PRRG1: variants seen among roughly 807,000 people sequenced by gnomAD.
PRRG1 encodes proline rich and Gla domain 1.
PRRG1 carries 5 observed loss-of-function variants against 11.8 expected under a neutral mutation model. The ratio of observed to expected loss-of-function variants is 0.42; its 90% CI spans 0.22 to 0.89. The LOEUF (loss-of-function observed/expected upper bound fraction) is 0.89. Among genes scored for constraint, PRRG1 ranks in the 40% least tolerant of loss-of-function variants. The probability of loss-of-function intolerance (pLI) is 0.28; values close to 1 mark genes in which losing one functional copy is unlikely to be tolerated. For synonymous variants in PRRG1, 66 were observed against 60.4 expected (o/e 1.09, Z -0.43); for missense variants, 155 against 166.1 (o/e 0.93, Z 0.37).
At chrX:37,367,584 A>AT (rs1182800140) in intron 1 of PRRG1, among the ~76,000 whole-genome samples, 2,032 of 106,061 alleles carry the variant, frequency 0.019, 46 homozygotes, top group African/African-American at 0.059. Context: ...TAAATGGTGG[A>AT]TTTTTTTTTT....
At chrX:37,393,885 C>G (rs1244601469) in intron 1 of PRRG1, among the ~76,000 whole-genome samples, 2 of 110,961 alleles carry the variant, frequency 1.8e-5, no homozygotes, top group African/African-American at 3.3e-5. Flanking sequence ...GTCAGAAACC[C>G]TAGGTTAAAA....
At chrX:37,441,234 C>T in intron 3 of PRRG1, 8 of 777,864 alleles carry the variant, frequency 1.0e-5, no homozygotes, top group Non-Finnish European at 1.2e-5. Flanking sequence ...GAAGCTATTA[C>T]AGAGGGGACC....
chrX:37,388,436 T>C (rs996171109), intron 1 of PRRG1, among the ~76,000 whole-genome samples: 2 of 113,060 alleles, frequency 1.8e-5, no homozygotes, highest in Non-Finnish European at 3.7e-5. Flanking sequence ...CCATACATCC[T>C]CTGAAATCTA....
At chrX:37,413,643 C>T (rs782208408) in intron 2 of PRRG1, among the ~76,000 whole-genome samples, 20 of 111,500 alleles carry the variant, frequency 1.8e-4, no homozygotes, top group Admixed American at 2.9e-4. Context: ...CATGTCCTTG[C>T]CAGCATTTGA....
intron 3 of PRRG1, among the ~76,000 whole-genome samples, chrX:37,439,856 A>G (rs1371800673): frequency 3.0e-5 from 3 of 100,587 alleles, no homozygotes; most frequent in South Asian, 9.5e-4. Context: ...CTGGAGTGCA[A>G]TGGTGCAATG....
chrX:37,365,627 G>T (rs1328656965), intron 1 of PRRG1, among the ~76,000 whole-genome samples: 1 of 112,184 alleles, frequency 8.9e-6, no homozygotes, highest in African/African-American at 3.2e-5. Flanking sequence ...TCTCCAGCCA[G>T]CCAGGGTTAA....
intron 2 of PRRG1, among the ~76,000 whole-genome samples, chrX:37,416,309 TAC>T (rs1932495838): frequency 8.9e-6 from 1 of 112,289 alleles, no homozygotes; most frequent in Non-Finnish European, 1.9e-5. Flanking sequence ...ATACCTATCC[TAC>T]AGTCTATGCT....
rs145533054 is a variant in PRRG1 at position 37,397,437 on chromosome X, C to A, written c.-41-8772C>A. Among the ~76,000 whole-genome samples, 19 of 112,124 alleles carry A rather than the reference C, an allele frequency of 1.7e-4. 1 individual carries two copies. In the East Asian group the frequency reaches 5.3e-3, roughly 31 times the overall value. On this transcript the variant is annotated intron_variant, in intron 1 of 3. Coordinates refer to ENST00000378628, the MANE Select transcript of PRRG1 (RefSeq NM_001142395.2). ...TCTGGTTTGTGTAGGCCACTAGAAT[C>A]CTCTTTGGGAATGATCTACTGCCTT...
intron 1 of PRRG1, among the ~76,000 whole-genome samples, chrX:37,401,260 G>C (rs1299065624): frequency 5.4e-5 from 6 of 111,013 alleles, no homozygotes; most frequent in African/African-American, 2.0e-4. Flanking sequence ...ACCAAATCCA[G>C]CAGCACATCA....
chrX:37,373,127 A>G (rs1352322027), intron 1 of PRRG1, among the ~76,000 whole-genome samples: 1 of 111,912 alleles, frequency 8.9e-6, no homozygotes, highest in Non-Finnish European at 1.9e-5. Flanking sequence ...GTCTGTGTCT[A>G]GGCTCTCTAT....
At chrX:37,443,786 T>C (rs996041168) in intron 3 of PRRG1, among the ~76,000 whole-genome samples, 9 of 112,158 alleles carry the variant, frequency 8.0e-5, no homozygotes, top group African/African-American at 2.9e-4. Context: ...GAAATGGTAG[T>C]GATGTAAGCC....
intron 1 of PRRG1, among the ~76,000 whole-genome samples, chrX:37,367,127 C>A (rs1930596431): frequency 9.0e-6 from 1 of 111,665 alleles, no homozygotes; most frequent in African/African-American, 3.3e-5. Flanking sequence ...TAAAACATTT[C>A]TAGTTTGGCA....
intron 2 of PRRG1, among the ~76,000 whole-genome samples, chrX:37,419,949 T>C (rs1279104412): frequency 8.9e-6 from 1 of 112,018 alleles, no homozygotes; most frequent in Non-Finnish European, 1.9e-5. Context: ...GGAGACAGAC[T>C]CACGGCAAGT....
rs189930180 is a variant in PRRG1 at position 37,368,113 on chromosome X, T to C, written c.-42+18718T>C. Among the ~76,000 whole-genome samples, 11 of 112,290 alleles carry C rather than the reference T, an allele frequency of 9.8e-5. No homozygotes were observed. In the East Asian group the frequency reaches 3.1e-3, roughly 31 times the overall value. On this transcript the variant is annotated intron_variant, in intron 1 of 3. Coordinates refer to ENST00000378628, the MANE Select transcript of PRRG1 (RefSeq NM_001142395.2). ...TCATGGCCTAGAATATGATCTTTCC[T>C]GGTAAGTACATCACATGCCCTGAAA...
chrX:37,368,576 A>C (rs182364993), intron 1 of PRRG1, among the ~76,000 whole-genome samples: 17 of 111,892 alleles, frequency 1.5e-4, no homozygotes, highest in African/African-American at 5.5e-4. Context: ...ATGTCTTATA[A>C]ACAGTATATA....
At position 37,456,871 on chromosome X, in the gene PRRG1, A is replaced by G. The variant is rs1921378123; in HGVS notation, c.*3250A>G. 8.9e-6 allele frequency: 1 copy of G among 112,532 alleles called. No individual in the cohort carries two copies. The highest frequency in any genetic ancestry group is 1.9e-5 in the Non-Finnish European group (1 of 53,289). The allele number at this position is 112,532 out of a possible 1,213,427, so 9.3% of individuals were successfully genotyped here. ...ATCAACCAGTTTGCATTTAAATAAA[A>G]GAACAGGCTCAGTGGTCTTCCTGTA... On this transcript the variant is annotated 3_prime_UTR_variant, in exon 4 of 4. Coordinates refer to ENST00000378628, the MANE Select transcript of PRRG1 (RefSeq NM_001142395.2).
intron 1 of PRRG1, among the ~76,000 whole-genome samples, chrX:37,386,234 T>C: frequency 8.9e-6 from 1 of 112,542 alleles, no homozygotes; most frequent in South Asian, 3.7e-4. Flanking sequence ...TTTATAATTT[T>C]TTCTCTACTC....
rs192117462 is a variant in PRRG1, at chrX:37,362,725, C to T, written c.-42+13330C>T. Among the ~76,000 whole-genome samples, 175 of 111,482 alleles carry T rather than the reference C, an allele frequency of 1.6e-3. 1 individual carries two copies. The highest frequency in any genetic ancestry group is 5.5e-3 in the African/African-American group (170 of 30,662). On this transcript the variant is annotated intron_variant, in intron 1 of 3. Coordinates refer to ENST00000378628, the MANE Select transcript of PRRG1 (RefSeq NM_001142395.2). ...CTTGGTTTCTGGTTGGTTCCCACTA[C>T]CAGGAACCAGGATGCTGAATATCCC... is the stretch of plus-strand genomic sequence containing the variant.
At chrX:37,430,792 G>A (rs1932819877) in intron 3 of PRRG1, among the ~76,000 whole-genome samples, 1 of 111,304 alleles carries the variant, frequency 9.0e-6, no homozygotes, top group African/African-American at 3.3e-5. Flanking sequence ...GTATAGTTCT[G>A]TGTCATTTTA....
Sources: allele counts gnomAD v4.1 joint callset (sites outside exome capture counted in the v4.1 genomes callset), GRCh38; gene constraint gnomAD v4.1.1; transcripts MANE v1.5; gene names NCBI Gene and HGNC (gene_info 2026-07-23, HGNC 2026-07-21).